The following TDRD9 variants were observed in gnomAD, a reference collection of about 807,000 sequenced individuals.
The protein encoded by TDRD9 is ATP-dependent RNA helicase TDRD9.
Under a neutral mutation model 172.6 loss-of-function variants are expected in TDRD9, and 124 were observed. That is an observed-to-expected ratio of 0.72 (90% CI 0.62 to 0.83). TDRD9 has a LOEUF of 0.83. Among genes scored for constraint, TDRD9 ranks in the 40% least tolerant of loss-of-function variants. The pLI is 0.00. For synonymous variants in TDRD9, 619 were observed against 617.1 expected (o/e 1.00, Z -0.05); for missense variants, 1,479 against 1,714.1 (o/e 0.86, Z 2.42).
chr14:103,987,121 T>TACAC (rs960121501), intron 8 of TDRD9, among the ~76,000 whole-genome samples: 9 of 126,430 alleles, frequency 7.1e-5, no homozygotes, highest in East Asian at 2.3e-4. Flanking sequence ...TCAAAAAATA[T>TACAC]ATACACACAC....
intron 9 of TDRD9, among the ~76,000 whole-genome samples, chr14:103,992,907 A>G (rs1218992213): frequency 7.5e-6 from 1 of 133,682 alleles, no homozygotes; most frequent in African/African-American, 2.9e-5. Context: ...CCTGGGAGAA[A>G]GAGCGAGACT....
intron 21 of TDRD9, among the ~76,000 whole-genome samples, chr14:104,015,661 G>A (rs1185347883): frequency 6.6e-6 from 1 of 152,204 alleles, no homozygotes; most frequent in African/African-American, 2.4e-5. Flanking sequence ...CGACCTTGGG[G>A]CTTTGTGTGT....
chr14:104,014,757 A>C lies in TDRD9; in HGVS notation c.2139A>C (p.Arg713Ser). ...VAELYEELKT[R>S]ISQFNMHVDS... Reference sequence around the variant, plus strand: ...AATTATATGAAGAATTGAAGACTAGAATCTCACAGTTCAACATGCATGTTG... The same window carrying C: ...AATTATATGAAGAATTGAAGACTAGCATCTCACAGTTCAACATGCATGTTG... The change falls in exon 21 of 36, where the codon AGA becomes AGC. Residue 713 changes from arginine to serine, a missense_variant. Around this residue, in one of 3 missense-constraint regions of TDRD9, gnomAD observed 1,413 missense variants for 1,649.1 expected, o/e 0.86. Coordinates refer to ENST00000409874, the MANE Select transcript of TDRD9 (RefSeq NM_153046.3). 1 of 1,611,378 alleles carries C rather than the reference A, an allele frequency of 6.2e-7. No homozygotes were observed. Among genetic ancestry groups the C allele is most frequent in the African/African-American group, 1.3e-5 (1 of 75,002 alleles).
rs1229815765 is a variant in TDRD9 at position 103,994,472 on chromosome 14, C to G, written c.1236-47C>G. 21 of 1,604,128 alleles carry G rather than the reference C, an allele frequency of 1.3e-5. No individual in the cohort carries two copies. In the East Asian group the frequency reaches 4.2e-4, roughly 32 times the overall value. ...TATCTCAGTATTTATTTTTGTATCTCATGTATATCTATTCTTTATGGAGAT... is the reference window on the plus strand; with the variant it reads ...TATCTCAGTATTTATTTTTGTATCTGATGTATATCTATTCTTTATGGAGAT... On this transcript the variant is annotated intron_variant, in intron 10 of 35. Coordinates refer to ENST00000409874, the MANE Select transcript of TDRD9 (RefSeq NM_153046.3).
rs533586306 is a variant in TDRD9 at position 104,018,880 on chromosome 14, T to G, written c.2432+688T>G. Among the ~76,000 whole-genome samples, 6 of 152,348 alleles carry G rather than the reference T, an allele frequency of 3.9e-5. No homozygotes were observed. The East Asian group carries it at 1.2e-3, about 29-fold the overall frequency. ...TCTTTAATGTCCAGTTCACTCAAGT[T>G]GAACATTAAGTCCATTTTCAATTTG... On this transcript the variant is annotated intron_variant, in intron 23 of 35. Transcript: ENST00000409874.
At chr14:103,961,559 T>A (rs1424087231) in intron 2 of TDRD9, among the ~76,000 whole-genome samples, 1 of 144,784 alleles carries the variant, frequency 6.9e-6, no homozygotes, top group Non-Finnish European at 1.5e-5. Context: ...CAAGACTCTG[T>A]CCAGAAAAAG....
chr14:104,039,445 A>G (rs2035546594), intron 32 of TDRD9, among the ~76,000 whole-genome samples: 1 of 152,216 alleles, frequency 6.6e-6, no homozygotes, highest in South Asian at 2.1e-4. Context: ...TCCCACTGTA[A>G]TTCACAGTGT....
intron 28 of TDRD9, among the ~76,000 whole-genome samples, chr14:104,028,285 CTG>C (rs1423347048): frequency 6.6e-6 from 1 of 152,116 alleles, no homozygotes; most frequent in Non-Finnish European, 1.5e-5. Flanking sequence ...TCAATAAAGA[CTG>C]TATTAATTTA....
At chr14:103,974,757 C>T (rs796170493) in intron 6 of TDRD9, among the ~76,000 whole-genome samples, 45 of 152,230 alleles carry the variant, frequency 3.0e-4, no homozygotes, top group African/African-American at 1.0e-3. Flanking sequence ...CCTCCCACCT[C>T]AGCCTCTTGA....
At chr14:103,942,429 A>G (rs913601017) in intron 1 of TDRD9, 2 of 152,242 alleles carry the variant, frequency 1.3e-5, no homozygotes, top group African/African-American at 4.8e-5. Flanking sequence ...GCCAGCAGCT[A>G]TAGATGCTGG....
Position 104,042,131 on chromosome 14 carries a change from TCTTG to T in TDRD9, c.3919_3922del (p.Leu1307GlyfsTer17), listed in dbSNP as rs1217339883. The T allele has an allele frequency of 1.2e-6, 2 of 1,613,664 alleles. No individual in the cohort carries two copies. Among genetic ancestry groups the T allele is most frequent in the African/African-American group, 2.7e-5 (2 of 74,916 alleles). On this transcript the variant is annotated frameshift_variant, in exon 34 of 36. Transcript: ENST00000409874. LOFTEE classifies it high-confidence loss of function. ...GTGATGGACCAAATGGATGCAAGTG[TCTTG>T]GGCCAGAGAGAGTTGCGCAGCTTCA...
At chr14:103,966,889 G>T in intron 5 of TDRD9, 58 bp downstream of exon 5, 1 of 1,475,024 alleles carries the variant, frequency 6.8e-7, no homozygotes. Flanking sequence ...AAAACTCTCA[G>T]AGTATTGTGA....
At chr14:103,929,537 C>G (rs569706157) in intron 1 of TDRD9, among the ~76,000 whole-genome samples, 3 of 151,922 alleles carry the variant, frequency 2.0e-5, no homozygotes, top group Non-Finnish European at 4.4e-5. Flanking sequence ...CCCCACCCCC[C>G]GAGATGGAGT....
rs148977831 is a variant in TDRD9 at position 104,002,965 on chromosome 14, G to A, written c.1484-1273G>A. 7.1e-3 allele frequency among the ~76,000 whole-genome samples: 1,085 copies of A among 152,050 alleles called. 10 individuals carry two copies. The highest frequency in any genetic ancestry group is 0.025 in the African/African-American group (1,019 of 41,462). ...AGGATGGTCTCCATCTCTTTACCTC[G>A]TGATCTGCCCGCCTCGGCCTCCCAA... On this transcript the variant is annotated intron_variant, in intron 13 of 35. Transcript: ENST00000409874.
At chr14:104,035,536 G>T (rs765901602) in intron 32 of TDRD9, among the ~76,000 whole-genome samples, 1 of 152,238 alleles carries the variant, frequency 6.6e-6, no homozygotes, top group Non-Finnish European at 1.5e-5. Flanking sequence ...CAGAGACTTT[G>T]ATAGAGAGGA....
intron 34 of TDRD9, among the ~76,000 whole-genome samples, chr14:104,045,704 T>G (rs2035752754): frequency 6.6e-6 from 1 of 152,186 alleles, no homozygotes; most frequent in Non-Finnish European, 1.5e-5. Context: ...ACTCATGTCA[T>G]CATTGTGAGA....
chr14:103,963,293 A>G (rs2032595694), intron 3 of TDRD9, 117 bp downstream of exon 3: 1 of 708,306 alleles, frequency 1.4e-6, no homozygotes, highest in Non-Finnish European at 2.3e-6. Flanking sequence ...TGTGGTGTAC[A>G]AGGTTCTGTG....
rs1384185257 is a variant in TDRD9 at position 104,026,133 on chromosome 14, C to T, written c.3018C>T (p.Phe1006=). 7 of 1,596,172 alleles carry T rather than the reference C, an allele frequency of 4.4e-6. No homozygotes were observed. Among genetic ancestry groups the T allele is most frequent in the African/African-American group, 1.3e-5 (1 of 74,528 alleles). The change falls in exon 27 of 36, where the codon TTC becomes TTT. Residue 1006 remains phenylalanine, a synonymous_variant. Coordinates refer to ENST00000409874, the MANE Select transcript of TDRD9 (RefSeq NM_153046.3). ...EIPCQFLELP[F]QALEFKICKM... is the part of the protein sequence containing the mutation. Reference sequence around the variant, plus strand: ...CCTGTCAATTTCTTGAACTTCCTTTCCAGGTAAGGTAGAGAAGACTCTAGG... The same window carrying T: ...CCTGTCAATTTCTTGAACTTCCTTTTCAGGTAAGGTAGAGAAGACTCTAGG...
At chr14:103,939,174 C>T (rs1007970774) in intron 1 of TDRD9, among the ~76,000 whole-genome samples, 12 of 152,140 alleles carry the variant, frequency 7.9e-5, no homozygotes, top group African/African-American at 2.7e-4. Context: ...TGTCCAGTGG[C>T]TGCTTGAGGA....
Sources: allele counts gnomAD v4.1 joint callset (sites outside exome capture counted in the v4.1 genomes callset), GRCh38; gene constraint gnomAD v4.1.1; regional missense constraint gnomAD v4.1.1; transcripts MANE v1.5; gene names NCBI Gene and HGNC (gene_info 2026-07-23, HGNC 2026-07-21).